The following LIPF variants were observed in gnomAD, a reference collection of about 807,000 sequenced individuals.
LIPF encodes lipase F, gastric type.
A neutral mutation model predicts 38.0 loss-of-function variants in LIPF; 25 were observed. The ratio of observed to expected loss-of-function variants is 0.66; its 90% CI spans 0.48 to 0.92. The LOEUF (loss-of-function observed/expected upper bound fraction) is 0.92. Among genes scored for constraint, LIPF ranks in the 40% least tolerant of loss-of-function variants. LIPF has a pLI of 0.00. For missense variants in LIPF, 410 were observed against 469.9 expected (o/e 0.87, Z 1.18); for synonymous variants, 161 against 156.2 (o/e 1.03, Z -0.23).
chr10:88,673,102 G>T (rs934541005), intron 6 of LIPF, among the ~76,000 whole-genome samples: 11 of 152,196 alleles, frequency 7.2e-5, no homozygotes, highest in African/African-American at 2.6e-4. Context: ...CAAAATATCT[G>T]CCTTCCTCAA....
In LIPF at chr10:88,672,666, ACACACTCT is replaced by A. The variant is rs1312373709; in HGVS notation, c.669+703_669+710del. On this transcript the variant is annotated intron_variant, in intron 6 of 9. Transcript: ENST00000238983. ...CACACACACACACACACACACACAC[ACACACTCT>A]CTCTCTCTCTCTCTCTCTTTCCTTT... 8.5e-3 allele frequency among the ~76,000 whole-genome samples: 1,036 copies of A among 121,792 alleles called. 12 individuals carry two copies. Among genetic ancestry groups the A allele is most frequent in the African/African-American group, 0.027 (801 of 29,560 alleles). 79.9% of individuals were successfully genotyped at this position (121,792 alleles called of 152,430 possible).
chr10:88,673,691 C>A lies in LIPF; in HGVS notation c.773C>A (p.Ala258Asp), dbSNP rs748537457. ...REMLNLLCSN[A>D]LFIICGFDSK... is the part of the protein sequence containing the mutation. ...ATGCTGAATCTCCTTTGCAGCAATG[C>A]CTTATTTATAATTTGTGGATTTGAC... Residue 258 changes from alanine to aspartate, a missense_variant, in exon 7 of 10, where the codon GCC becomes GAC. Physicochemically the swap from Ala to Asp is moderately radical, Grantham distance 126. Coordinates refer to ENST00000238983, the MANE Select transcript of LIPF (RefSeq NM_004190.4). 2 of 1,612,994 alleles carry A rather than the reference C, an allele frequency of 1.2e-6. No individual in the cohort carries two copies. The highest frequency in any genetic ancestry group is 2.2e-5 in the East Asian group (1 of 44,854).
In LIPF at chr10:88,667,339, G is replaced by A. The variant is rs748505169; in HGVS notation, c.42G>A (p.Leu14=). 1.9e-6 allele frequency: 3 copies of A among 1,613,310 alleles called. No individual in the cohort carries two copies. In the African/African-American group the frequency reaches 4.0e-5, roughly 22 times the overall value. ...CAATGGCAAGTTTGATATCTGTACT[G>A]GGGACTACACATGGTTTGTTTGGAA... The part of the protein sequence containing the change: ...LLTMASLISV[L]GTTHGLFGKL... The change falls in exon 2 of 10, where the codon CTG becomes CTA. Residue 14 remains leucine, a synonymous_variant. Coordinates refer to ENST00000238983, the MANE Select transcript of LIPF (RefSeq NM_004190.4).
rs376685605 is a variant in LIPF at position 88,667,342 on chromosome 10, G to A, written c.45G>A (p.Gly15=). Residue 15 remains glycine (G), a synonymous_variant, in exon 2 of 10, where the codon GGG becomes GGA. Transcript: ENST00000238983. ...LTMASLISVL[G]TTHGLFGKLH... ...TGGCAAGTTTGATATCTGTACTGGG[G>A]ACTACACATGGTTTGTTTGGAAAAT... 6.2e-7 allele frequency: 1 copy of A among 1,613,636 alleles called. No homozygotes were observed. The highest frequency in any genetic ancestry group is 8.5e-7 in the Non-Finnish European group (1 of 1,179,662).
intron 5 of LIPF, among the ~76,000 whole-genome samples, chr10:88,670,470 A>G (rs1252575241): frequency 1.3e-5 from 2 of 152,218 alleles, no homozygotes; most frequent in Non-Finnish European, 2.9e-5. Context: ...GTTCACAGAA[A>G]TTGTAGATTG....
At chr10:88,665,004 C>T (rs1247149218) in intron 1 of LIPF, among the ~76,000 whole-genome samples, 2 of 152,044 alleles carry the variant, frequency 1.3e-5, no homozygotes, top group Non-Finnish European at 2.9e-5. Context: ...AAGTCTAGAC[C>T]AAATTATATA....
intron 7 of LIPF, among the ~76,000 whole-genome samples, chr10:88,674,459 C>T (rs17333893): frequency 2.8e-4 from 42 of 152,250 alleles, no homozygotes; most frequent in African/African-American, 9.1e-4. Context: ...TGAGCCACCA[C>T]GCCCGGCTGA....
intron 5 of LIPF, 94 bp from the exon 6 acceptor site, chr10:88,671,734 TA>T (rs1841599026): frequency 1.3e-6 from 2 of 1,492,576 alleles, no homozygotes; most frequent in African/African-American, 1.4e-5. Context: ...CCATCCTTAG[TA>T]AGTCCAAAAT....
At position 88,675,614 on chromosome 10, in the gene LIPF, A is replaced by T; in HGVS notation, c.845A>T (p.Asn282Ile). The change falls in exon 8 of 10, where the codon AAT (asparagine) becomes ATT (isoleucine). Residue 282 changes from asparagine to isoleucine, a missense_variant. Physicochemically the swap from Asn to Ile is moderately radical, Grantham distance 149. Transcript: ENST00000238983. Reference protein sequence around the residue: ...TSRLDVYLSHNPAGTSVQNMF... With the variant: ...TSRLDVYLSHIPAGTSVQNMF... ...CGCTTGGATGTGTATCTATCACATA[A>T]TCCAGCAGGAACTTCTGTTCAAAAC... is the stretch of plus-strand genomic sequence containing the variant. 6.2e-7 allele frequency: 1 copy of T among 1,612,932 alleles called. No homozygotes were observed. Among genetic ancestry groups the T allele is most frequent in the Non-Finnish European group, 8.5e-7 (1 of 1,179,046 alleles).
At chr10:88,674,073 A>G (rs1841647155) in intron 7 of LIPF, among the ~76,000 whole-genome samples, 1 of 152,220 alleles carries the variant, frequency 6.6e-6, no homozygotes, top group African/African-American at 2.4e-5. Context: ...AAATGTCTAG[A>G]TATTGAATAA....
intron 9 of LIPF, 75 bp from the exon 10 acceptor site, chr10:88,678,370 A>G: frequency 9.4e-7 from 1 of 1,061,034 alleles, no homozygotes; most frequent in Non-Finnish European, 1.5e-6. Flanking sequence ...AATGTTATAC[A>G]CTCTACTTGA....
intron 6 of LIPF, 69 bp from the exon 7 acceptor site, chr10:88,673,519 T>G (rs1281988559): frequency 8.7e-6 from 10 of 1,153,550 alleles, no homozygotes; most frequent in Non-Finnish European, 1.3e-5. Context: ...ATAAGTAGAT[T>G]AGATAAACTA....
chr10:88,676,496 T>G (rs191637147), intron 9 of LIPF, among the ~76,000 whole-genome samples: 15 of 152,312 alleles, frequency 9.8e-5, no homozygotes, highest in African/African-American at 3.6e-4. Context: ...CACCCCTGTG[T>G]GTGAGAGACT....
intron 7 of LIPF, among the ~76,000 whole-genome samples, chr10:88,675,185 C>T (rs1283347203): frequency 1.3e-5 from 2 of 152,146 alleles, no homozygotes; most frequent in African/African-American, 4.8e-5. Context: ...TTCTGCAAAG[C>T]AAGAGGCCTG....
intron 9 of LIPF, among the ~76,000 whole-genome samples, chr10:88,677,225 A>G (rs1433400257): frequency 6.6e-6 from 1 of 152,184 alleles, no homozygotes; most frequent in Admixed American, 6.5e-5. Flanking sequence ...GAATAGCATG[A>G]GATCAAACTT....
chr10:88,676,981 T>C (rs1353288452), intron 9 of LIPF, among the ~76,000 whole-genome samples: 1 of 152,246 alleles, frequency 6.6e-6, no homozygotes, highest in African/African-American at 2.4e-5. Context: ...GGGTTATCAC[T>C]GACTATTTTT....
intron 3 of LIPF, 49 bp from the exon 4 acceptor site, chr10:88,668,509 C>T (rs766350979): frequency 6.5e-7 from 1 of 1,535,412 alleles, no homozygotes; most frequent in Middle Eastern, 1.9e-4. Context: ...CACATTTATC[C>T]TAGAATAAGG....
At chr10:88,667,266 C>G in intron 1 of LIPF, 21 bp from the exon 2 acceptor site, 1 of 1,321,654 alleles carries the variant, frequency 7.6e-7, no homozygotes, top group Non-Finnish European at 1.1e-6. Context: ...AACCATGGCA[C>G]GGGTTATTCT....
chr10:88,664,633 C>T (rs1841485575), intron 1 of LIPF, 142 bp downstream of exon 1: 1 of 152,450 alleles, frequency 6.6e-6, no homozygotes. Flanking sequence ...TGGCTTATTC[C>T]TCTAGGATTT....
Sources: gnomAD v4.1 joint callset for allele counts (sites outside exome capture counted in the v4.1 genomes callset) on GRCh38, gnomAD v4.1.1 for gene constraint, MANE v1.5 for transcripts, NCBI Gene and HGNC (gene_info 2026-07-23, HGNC 2026-07-21) for gene names.